SLC25A21: variants seen among roughly 807,000 people sequenced by gnomAD.
The protein encoded by SLC25A21 is mitochondrial 2-oxodicarboxylate carrier.
SLC25A21 carries 47 observed loss-of-function variants against 43.8 expected under a neutral mutation model. The ratio of observed to expected loss-of-function variants is 1.07; its 90% CI spans 0.85 to 1.37. SLC25A21 has a LOEUF of 1.37. Ranked by LOEUF, SLC25A21 falls within the 40% of genes most tolerant of loss-of-function variation. The pLI is 0.00. For synonymous variants in SLC25A21, 131 were observed against 121.3 expected (o/e 1.08, Z -0.52); for missense variants, 352 against 350.2 (o/e 1.00, Z -0.04).
chr14:36,762,762 T>C (rs544153187), intron 3 of SLC25A21, among the ~76,000 whole-genome samples: 2 of 152,212 alleles, frequency 1.3e-5, no homozygotes, highest in South Asian at 2.1e-4. Context: ...TCTCCTTGAG[T>C]TGGTATAGGG....
chr14:37,152,235 T>C (rs1047079848), intron 1 of SLC25A21, among the ~76,000 whole-genome samples: 1 of 151,996 alleles, frequency 6.6e-6, no homozygotes, highest in African/African-American at 2.4e-5. Context: ...CTTCTAAAGA[T>C]GACAAAAAGA....
intron 3 of SLC25A21, among the ~76,000 whole-genome samples, chr14:36,749,834 A>T (rs968973291): frequency 2.0e-5 from 3 of 152,070 alleles, no homozygotes; most frequent in South Asian, 2.1e-4. Flanking sequence ...ATTCTATTTA[A>T]TGTTGCAGCA....
intron 3 of SLC25A21, among the ~76,000 whole-genome samples, chr14:36,740,959 T>A (rs1469512384): frequency 6.6e-6 from 1 of 152,176 alleles, no homozygotes; most frequent in African/African-American, 2.4e-5. Context: ...CTAAAAAAAG[T>A]TCCTTGCTTT....
Position 36,678,636 on chromosome 14 carries a change from G to C in SLC25A21, c.*2022C>G. 1 of 1,289,022 alleles carries C rather than the reference G, an allele frequency of 7.8e-7. No individual in the cohort carries two copies. Among genetic ancestry groups the C allele is most frequent in the Non-Finnish European group, 9.8e-7 (1 of 1,017,418 alleles). The allele number at this position is 1,289,022 out of a possible 1,614,324, so 79.8% of individuals were successfully genotyped here. On this transcript the variant is annotated 3_prime_UTR_variant, in exon 10 of 10. Coordinates refer to ENST00000331299, the MANE Select transcript of SLC25A21 (RefSeq NM_030631.4). ...AACTATTCTTTATCAAATGTTTTTA[G>C]GTGGCTGTTAGGGGGCTTTAAAAAA...
intron 1 of SLC25A21, among the ~76,000 whole-genome samples, chr14:37,138,765 A>G (rs61988260): frequency 0.22 from 33,429 of 152,036 alleles, 4,176 homozygotes; most frequent in South Asian, 0.3. Flanking sequence ...ATTGATTTTC[A>G]TAAAGAAAAA....
chr14:36,809,714 G>A (rs1183648656), intron 3 of SLC25A21, among the ~76,000 whole-genome samples: 3 of 152,136 alleles, frequency 2.0e-5, no homozygotes, highest in African/African-American at 7.2e-5. Flanking sequence ...AGACTTTAAT[G>A]TTTTTAAATA....
intron 6 of SLC25A21, among the ~76,000 whole-genome samples, chr14:36,721,737 C>A (rs960025425): frequency 6.6e-6 from 1 of 152,238 alleles, no homozygotes; most frequent in Non-Finnish European, 1.5e-5. Context: ...GATGGGCCAG[C>A]AAGTCATTCC....
At chr14:36,696,925 T>C (rs1349943487) in intron 7 of SLC25A21, among the ~76,000 whole-genome samples, 2 of 152,198 alleles carry the variant, frequency 1.3e-5, no homozygotes, top group African/African-American at 2.4e-5. Flanking sequence ...TCTGCTCCGA[T>C]TGTAGTTATT....
intron 1 of SLC25A21, among the ~76,000 whole-genome samples, chr14:36,983,940 G>T (rs1275200874): frequency 1.3e-5 from 2 of 152,038 alleles, no homozygotes; most frequent in Non-Finnish European, 2.9e-5. Context: ...ACTAAACAAG[G>T]GGTACACATG....
At position 36,877,921 on chromosome 14, in the gene SLC25A21, G is replaced by C. The variant is rs147070147; in HGVS notation, c.71-2917C>G. Among the ~76,000 whole-genome samples, 1,228 of 152,074 alleles carry C rather than the reference G, an allele frequency of 8.1e-3. 13 individuals are homozygous for C. Among genetic ancestry groups the C allele is most frequent in the Non-Finnish European group, 0.014 (935 of 68,002 alleles). ...GATTTTCTTTTTTTAATAGCTCTTG[G>C]TTGTTTTTTCTTATTACCAATGTAC... On this transcript the variant is annotated intron_variant, in intron 1 of 9. Coordinates refer to ENST00000331299, the MANE Select transcript of SLC25A21 (RefSeq NM_030631.4).
At chr14:36,800,497 T>G (rs1261943994) in intron 3 of SLC25A21, among the ~76,000 whole-genome samples, 1 of 152,128 alleles carries the variant, frequency 6.6e-6, no homozygotes, top group Non-Finnish European at 1.5e-5. Context: ...GAACAAATAT[T>G]GTATGATTCC....
chr14:36,736,742 C>T (rs111569089), intron 3 of SLC25A21, among the ~76,000 whole-genome samples: 2,552 of 152,290 alleles, frequency 0.017, 66 homozygotes, highest in African/African-American at 0.058. Flanking sequence ...AGAACAGTTG[C>T]TTCAACTGGA....
At chr14:37,112,723 C>G (rs938602273) in intron 1 of SLC25A21, among the ~76,000 whole-genome samples, 2 of 152,086 alleles carry the variant, frequency 1.3e-5, no homozygotes, top group Non-Finnish European at 2.9e-5. Context: ...TCAATTGAGG[C>G]TAGGACAAGA....
chr14:37,149,960 T>C (rs1222547339), intron 1 of SLC25A21, among the ~76,000 whole-genome samples: 1 of 152,036 alleles, frequency 6.6e-6, no homozygotes, highest in Non-Finnish European at 1.5e-5. Flanking sequence ...ATAAACCAAA[T>C]CCACAACATA....
At chr14:36,850,440 T>C (rs566308769) in intron 2 of SLC25A21, among the ~76,000 whole-genome samples, 1 of 152,278 alleles carries the variant, frequency 6.6e-6, no homozygotes, top group African/African-American at 2.4e-5. Flanking sequence ...AATTTTTTTT[T>C]ATACACACTA....
intron 1 of SLC25A21, among the ~76,000 whole-genome samples, chr14:37,131,411 T>C (rs1199242183): frequency 2.0e-5 from 3 of 152,226 alleles, no homozygotes; most frequent in East Asian, 3.9e-4. Context: ...AGATGCTCTC[T>C]GTTTGACTGT....
chr14:37,080,405 C>A (rs774023050), intron 1 of SLC25A21, among the ~76,000 whole-genome samples: 19 of 152,114 alleles, frequency 1.2e-4, no homozygotes, highest in Non-Finnish European at 2.6e-4. Flanking sequence ...CCAGCCTAAG[C>A]AATATGGTAA....
At chr14:36,702,815 C>T (rs1594504278) in intron 7 of SLC25A21, among the ~76,000 whole-genome samples, 1 of 152,158 alleles carries the variant, frequency 6.6e-6, no homozygotes, top group East Asian at 1.9e-4. Flanking sequence ...CCTAAAGCTA[C>T]TTGCACCTCA....
chr14:36,817,359 T>A (rs1020142058), intron 2 of SLC25A21, among the ~76,000 whole-genome samples: 2 of 152,160 alleles, frequency 1.3e-5, no homozygotes, highest in African/African-American at 4.8e-5. Context: ...CTGAGCTGAC[T>A]CCTCCTGGGA....
Sources: allele counts gnomAD v4.1 joint callset (sites outside exome capture counted in the v4.1 genomes callset), GRCh38; gene constraint gnomAD v4.1.1; transcripts MANE v1.5; gene names NCBI Gene and HGNC (gene_info 2026-07-23, HGNC 2026-07-21).